Variants in ZNF33A observed in about 807,000 individuals in gnomAD.
The protein encoded by ZNF33A is brain my041 protein.
ZNF33A carries 9 observed loss-of-function variants against 15.9 expected under a neutral mutation model. That is an observed-to-expected ratio of 0.57 (90% CI 0.34 to 0.99). The LOEUF is 0.99. Ranked by LOEUF, ZNF33A falls within the 50% of genes least tolerant of loss-of-function variation. The pLI is 0.02. For synonymous variants in ZNF33A, 294 were observed against 324.2 expected (o/e 0.91, Z 1.00); for missense variants, 843 against 941.6 (o/e 0.90, Z 1.37).
chr10:38,047,609 A>G (rs2066004692), intron 4 of ZNF33A, among the ~76,000 whole-genome samples: 1 of 117,610 alleles, frequency 8.5e-6, no homozygotes, highest in Non-Finnish European at 1.7e-5. Flanking sequence ...CTGGCGATAG[A>G]GCAAGACTCT....
At chr10:38,014,081 C>T (rs1372037671) in intron 2 of ZNF33A, among the ~76,000 whole-genome samples, 10 of 112,318 alleles carry the variant, frequency 8.9e-5, no homozygotes, top group African/African-American at 3.5e-4. Context: ...GTCTCACTGT[C>T]ACCCAGGCTA....
chr10:38,031,778 C>G (rs2135632168), intron 4 of ZNF33A, among the ~76,000 whole-genome samples: 1 of 151,914 alleles, frequency 6.6e-6, no homozygotes, highest in South Asian at 2.1e-4. Flanking sequence ...TCCGGGCCAA[C>G]ATGGTGAAAC....
intron 4 of ZNF33A, 118 bp downstream of exon 4, chr10:38,017,504 C>A: frequency 1.5e-6 from 1 of 669,882 alleles, no homozygotes; most frequent in Non-Finnish European, 2.6e-6. Context: ...GGATCCTAAC[C>A]TCTGGAAGTG....
chr10:38,056,974 G>A lies in ZNF33A; in HGVS notation c.*414G>A. 6.8e-6 allele frequency: 6 copies of A among 883,904 alleles called. No individual in the cohort carries two copies. Among genetic ancestry groups the A allele is most frequent in the Non-Finnish European group, 8.2e-6 (6 of 735,554 alleles). The allele number at this position is 883,904 out of a possible 1,614,324, so 54.8% of individuals were successfully genotyped here. A position where few individuals can be genotyped will look rare whatever the true frequency, so the allele number is the denominator to read the frequency against. The stretch of plus-strand genomic sequence containing the variant: ...CCTCACAAGAAGTTTAATGAGTAGA[G>A]AGAATTCCCATGTACACTTCACCAA... On this transcript the variant is annotated 3_prime_UTR_variant, in exon 5 of 5. Coordinates refer to ENST00000432900, the MANE Select transcript of ZNF33A (RefSeq NM_006954.2).
In ZNF33A at chr10:38,059,410, A is replaced by G. The variant is rs1449784696; in HGVS notation, c.*2850A>G. 6.6e-6 allele frequency: 1 copy of G among 152,236 alleles called. No individual in the cohort carries two copies. Among genetic ancestry groups the G allele is most frequent in the African/African-American group, 2.4e-5 (1 of 41,460 alleles). 9.4% of individuals were successfully genotyped at this position (152,236 alleles called of 1,614,324 possible). ...ATGCACATAGATTTGAAAGGATGAA[A>G]TACAACTTTGTTCACAAGTAACATG... is the stretch of plus-strand genomic sequence containing the variant. On this transcript the variant is annotated 3_prime_UTR_variant, in exon 5 of 5. Transcript: ENST00000432900.
downstream of ZNF33A, chr10:38,064,070 A>G (rs770471340): frequency 3.8e-6 from 6 of 1,596,142 alleles, no homozygotes; most frequent in Non-Finnish European, 5.1e-6. Context: ...TGTTCTCACC[A>G]TCCTTACTCC....
At chr10:38,060,755 A>T (rs2066646306), downstream of ZNF33A, among the ~76,000 whole-genome samples, 1 of 152,216 alleles carries the variant, frequency 6.6e-6, no homozygotes, top group South Asian at 2.1e-4. Flanking sequence ...GCTCTTAGCT[A>T]ACTGACAGGT....
chr10:38,031,339 G>A (rs1403790638), intron 4 of ZNF33A, among the ~76,000 whole-genome samples: 1 of 152,088 alleles, frequency 6.6e-6, no homozygotes, highest in African/African-American at 2.4e-5. Flanking sequence ...GGAGGCCAAG[G>A]TGGGTGGATC....
At chr10:38,052,874 G>T (rs980423249) in intron 4 of ZNF33A, among the ~76,000 whole-genome samples, 1 of 151,746 alleles carries the variant, frequency 6.6e-6, no homozygotes, top group African/African-American at 2.4e-5. Context: ...TGAATATGTG[G>T]ATCAGGTCTT....
intron 1 of ZNF33A, among the ~76,000 whole-genome samples, chr10:38,011,536 T>C (rs1222830241): frequency 1.3e-5 from 2 of 152,084 alleles, no homozygotes; most frequent in African/African-American, 2.4e-5. Context: ...GATCGCACTA[T>C]TGCACTCCAG....
intron 4 of ZNF33A, chr10:38,017,758 A>C: frequency 5.6e-6 from 1 of 179,496 alleles, no homozygotes; most frequent in South Asian, 1.2e-4. Flanking sequence ...TCATTTTTAA[A>C]CTCAGCAAAT....
rs573185040 is a variant in ZNF33A, at chr10:38,059,150, A to G, written c.*2590A>G. The G allele has an allele frequency of 2.6e-5, 4 of 152,356 alleles. No homozygotes were observed. The highest frequency in any genetic ancestry group is 4.4e-5 in the Non-Finnish European group (3 of 68,022). The allele number at this position is 152,356 out of a possible 1,614,324, so 9.4% of individuals were successfully genotyped here. A position where few individuals can be genotyped will look rare whatever the true frequency, so the allele number is the denominator to read the frequency against. On this transcript the variant is annotated 3_prime_UTR_variant, in exon 5 of 5. Coordinates refer to ENST00000432900, the MANE Select transcript of ZNF33A (RefSeq NM_006954.2). ...ATAGGTACAGAAAAAGCATTTGACAAAATCCAATATCCATTCATGTTAAAA... is the reference window on the plus strand; with the variant it reads ...ATAGGTACAGAAAAAGCATTTGACAGAATCCAATATCCATTCATGTTAAAA...
At chr10:38,019,434 C>T (rs980930392) in intron 4 of ZNF33A, among the ~76,000 whole-genome samples, 9 of 151,948 alleles carry the variant, frequency 5.9e-5, no homozygotes, top group African/African-American at 1.2e-4. Flanking sequence ...TGAATAGTGC[C>T]GCTATAAACA....
chr10:38,029,476 G>T (rs2065123005), intron 4 of ZNF33A, among the ~76,000 whole-genome samples: 1 of 152,164 alleles, frequency 6.6e-6, no homozygotes, highest in Non-Finnish European at 1.5e-5. Flanking sequence ...CCCACCATTT[G>T]AAGTCGCCTT....
chr10:38,060,731 A>G (rs2066646032), downstream of ZNF33A, among the ~76,000 whole-genome samples: 1 of 152,208 alleles, frequency 6.6e-6, no homozygotes. Flanking sequence ...CATCCAGTCC[A>G]ATTTTAACTA....
intron 4 of ZNF33A, among the ~76,000 whole-genome samples, chr10:38,041,348 A>G (rs556632180): frequency 6.6e-6 from 1 of 151,782 alleles, no homozygotes; most frequent in Non-Finnish European, 1.5e-5. Context: ...ATTTTAGTAT[A>G]ACATTTTAAT....
At chr10:38,010,596 T>C (rs1268478246), upstream of ZNF33A, 4 of 1,031,258 alleles carry the variant, frequency 3.9e-6, no homozygotes, top group Middle Eastern at 2.3e-4. Flanking sequence ...ACGGGAAAGG[T>C]AGTTTCCAGG....
chr10:38,047,624 CAAAAAAAAAAAAAAAAAAAAAAAAAAAAA>C (rs554054575), intron 4 of ZNF33A, among the ~76,000 whole-genome samples: 1 of 75,012 alleles, frequency 1.3e-5, no homozygotes, highest in Admixed American at 1.8e-4. Context: ...GACTCTGTCT[CAAAAAAAAAAAAAAAAAAAAAAAAAAAAA>C]AAAAAAAAAA....
At chr10:38,054,312 G>T in intron 4 of ZNF33A, 63 bp from the exon 5 acceptor site, 1 of 1,448,234 alleles carries the variant, frequency 6.9e-7, no homozygotes, top group South Asian at 1.6e-5. Context: ...TTTGTTTAGC[G>T]ATTTCATTCC....
Sources: allele counts gnomAD v4.1 joint callset (sites outside exome capture counted in the v4.1 genomes callset), GRCh38; gene constraint gnomAD v4.1.1; transcripts MANE v1.5; gene names NCBI Gene and HGNC (gene_info 2026-07-23, HGNC 2026-07-21).